Variants in SLC37A1 observed in about 807,000 individuals in gnomAD.
The protein encoded by SLC37A1 is glucose-6-phosphate exchanger SLC37A1.
Under a neutral mutation model 75.3 loss-of-function variants are expected in SLC37A1, and 49 were observed. That is an observed-to-expected ratio of 0.65 (90% CI 0.52 to 0.83). The LOEUF (loss-of-function observed/expected upper bound fraction) is 0.83, where lower values mean the gene tolerates loss of function less well. SLC37A1 is among the 40% of genes least tolerant of loss of function. The probability of loss-of-function intolerance (pLI) is 0.00; values close to 1 mark genes in which losing one functional copy is unlikely to be tolerated. For synonymous variants in SLC37A1, 268 were observed against 292.1 expected (o/e 0.92, Z 0.84); for missense variants, 566 against 695.0 (o/e 0.81, Z 2.09).
intron 2 of SLC37A1, among the ~76,000 whole-genome samples, chr21:42,507,854 G>A (rs181292309): frequency 6.0e-4 from 92 of 152,248 alleles, no homozygotes; most frequent in African/African-American, 2.1e-3. Flanking sequence ...GATCTCCCCC[G>A]ATGACCCAGA....
intron 8 of SLC37A1, among the ~76,000 whole-genome samples, chr21:42,543,972 T>C (rs2055347969): frequency 6.6e-6 from 1 of 152,386 alleles, no homozygotes; most frequent in East Asian, 1.9e-4. Flanking sequence ...CTTTGCCTTC[T>C]GATAAGATAT....
At chr21:42,513,333 T>C (rs1290141541), upstream of SLC37A1, among the ~76,000 whole-genome samples, 2 of 152,242 alleles carry the variant, frequency 1.3e-5, no homozygotes, top group African/African-American at 2.4e-5. Context: ...GGACACAAGT[T>C]GGCTTACAAG....
chr21:42,500,476 A>G (rs1456537773), intron 1 of SLC37A1, among the ~76,000 whole-genome samples: 1 of 152,234 alleles, frequency 6.6e-6, no homozygotes, highest in Non-Finnish European at 1.5e-5. Context: ...TAATGAGAGT[A>G]GCATAGTGCC....
intron 17 of SLC37A1, among the ~76,000 whole-genome samples, chr21:42,571,572 T>G (rs772988631): frequency 5.6e-4 from 85 of 152,196 alleles, no homozygotes; most frequent in Non-Finnish European, 9.7e-4. Flanking sequence ...TTCAGCTGCC[T>G]CTCTCTGCTT....
rs150186814 is a variant in SLC37A1, at chr21:42,539,610, A to T, written c.449A>T (p.Tyr150Phe). The change falls in exon 6 of 20, where the codon TAC becomes TTC. Residue 150 changes from tyrosine to phenylalanine, a missense_variant. Transcript: ENST00000352133. The stretch of plus-strand genomic sequence containing the variant: ...GCCCTGTTCGGCTTAGGGTATTTCT[A>T]CAACATCCACAGTTTCGGATTCTAC... ...FTALFGLGYF[Y>F]NIHSFGFYVV... 32 of 1,613,874 alleles carry T rather than the reference A, an allele frequency of 2.0e-5. No individual in the cohort carries two copies. Among genetic ancestry groups the T allele is most frequent in the African/African-American group, 2.7e-5 (2 of 74,940 alleles).
intron 4 of SLC37A1, among the ~76,000 whole-genome samples, 195 bp from the exon 5 acceptor site, chr21:42,535,277 A>T (rs1281614718): frequency 6.6e-6 from 1 of 152,240 alleles, no homozygotes; most frequent in East Asian, 1.9e-4. Context: ...TGATTATTTG[A>T]AACTGCGGTG....
chr21:42,504,847 A>T (rs2054369870), intron 2 of SLC37A1, among the ~76,000 whole-genome samples: 1 of 152,152 alleles, frequency 6.6e-6, no homozygotes, highest in South Asian at 2.1e-4. Flanking sequence ...CCTTATCTTA[A>T]TGAAGGGCCC....
chr21:42,579,998 CCCT>C (rs1284796664), intron 19 of SLC37A1, among the ~76,000 whole-genome samples, 198 bp downstream of exon 19: 2 of 152,158 alleles, frequency 1.3e-5, no homozygotes, highest in East Asian at 1.9e-4. Context: ...TCTCCTCAAA[CCCT>C]GAGTGGAAAA....
chr21:42,579,697 G>A (rs767889245), intron 18 of SLC37A1, 39 bp from the exon 19 acceptor site: 1 of 1,613,184 alleles, frequency 6.2e-7, no homozygotes, highest in Non-Finnish European at 8.5e-7. Flanking sequence ...CCCTGTGCCT[G>A]CTCCAGTAAC....
At chr21:42,580,076 C>T (rs2056394664) in intron 19 of SLC37A1, among the ~76,000 whole-genome samples, 1 of 151,972 alleles carries the variant, frequency 6.6e-6, no homozygotes, top group Admixed American at 6.5e-5. Flanking sequence ...TCCTTGCCTT[C>T]CTGCTCGCCC....
At chr21:42,555,566 T>C (rs1353740896) in intron 10 of SLC37A1, among the ~76,000 whole-genome samples, 1 of 152,138 alleles carries the variant, frequency 6.6e-6, no homozygotes. Flanking sequence ...TGCTTTAAAA[T>C]CTGTACTTAC....
chr21:42,515,900 A>G (rs2054513460), intron 1 of SLC37A1, among the ~76,000 whole-genome samples: 1 of 152,174 alleles, frequency 6.6e-6, no homozygotes, highest in African/African-American at 2.4e-5. Context: ...CTGGAATTAC[A>G]GGTGTGCACC....
intron 2 of SLC37A1, among the ~76,000 whole-genome samples, chr21:42,520,940 GATAGCCCATTGA>G: frequency 6.6e-6 from 1 of 152,342 alleles, no homozygotes; most frequent in South Asian, 2.1e-4. Context: ...ACTCATGAAT[GATAGCCCATTGA>G]ATAGCGTAAG....
chr21:42,557,132 T>C (rs1259261396), intron 10 of SLC37A1, among the ~76,000 whole-genome samples: 1 of 152,216 alleles, frequency 6.6e-6, no homozygotes, highest in Non-Finnish European at 1.5e-5. Context: ...GGTCAGAGGG[T>C]GCGCTTCTCC....
chr21:42,525,916 C>A, intron 3 of SLC37A1, 59 bp downstream of exon 3: 1 of 1,315,044 alleles, frequency 7.6e-7, no homozygotes, highest in Non-Finnish European at 1.1e-6. Context: ...ACTTGAAAAG[C>A]TTGTGGGGCA....
Position 42,548,475 on chromosome 21 carries a change from C to A in SLC37A1, c.768+1335C>A, listed in dbSNP as rs117586415. 1.1e-4 allele frequency among the ~76,000 whole-genome samples: 17 copies of A among 152,268 alleles called. No individual in the cohort carries two copies. In the East Asian group the frequency reaches 3.3e-3, roughly 29 times the overall value. ...AGCCCAACACCCCCTCCCTTCAGCC[C>A]CGCACCCCATCCTTGGCCATGTTCT... is the stretch of plus-strand genomic sequence containing the variant. On this transcript the variant is annotated intron_variant, in intron 9 of 19. Coordinates refer to ENST00000352133, the MANE Select transcript of SLC37A1 (RefSeq NM_001320537.2). The surrounding 1 kb of genome is among the most constrained non-coding windows in gnomAD (Gnocchi z 5.6).
intron 11 of SLC37A1, among the ~76,000 whole-genome samples, chr21:42,559,436 A>G (rs1345210618): frequency 2.6e-5 from 4 of 152,230 alleles, no homozygotes; most frequent in Non-Finnish European, 5.9e-5. Flanking sequence ...TGAGGCCCTG[A>G]CTACTGTGCC....
At chr21:42,532,506 C>T (rs2055014838) in intron 3 of SLC37A1, among the ~76,000 whole-genome samples, 1 of 152,120 alleles carries the variant, frequency 6.6e-6, no homozygotes, top group African/African-American at 2.4e-5. Context: ...TTGGGCGTGG[C>T]CAGATTGACT....
At chr21:42,539,420 G>T in intron 5 of SLC37A1, 92 bp from the exon 6 acceptor site, 1 of 1,425,162 alleles carries the variant, frequency 7.0e-7, no homozygotes, top group South Asian at 1.4e-5. Flanking sequence ...TCAGAGAACA[G>T]CATGAAAGCA....
Sources: allele counts gnomAD v4.1 joint callset (sites outside exome capture counted in the v4.1 genomes callset), GRCh38; gene constraint gnomAD v4.1.1; non-coding constraint Gnocchi (gnomAD v3.1); transcripts MANE v1.5; gene names NCBI Gene and HGNC (gene_info 2026-07-23, HGNC 2026-07-21).